PRKRIP1: variants seen among roughly 807,000 people sequenced by gnomAD.
The protein encoded by PRKRIP1 is PRKR-interacting protein 1.
PRKRIP1 carries 29 observed loss-of-function variants against 29.3 expected under a neutral mutation model. The observed-to-expected ratio is 0.99, with a 90% confidence interval of 0.74 to 1.35. The LOEUF is 1.35. PRKRIP1 is among the 40% of genes most tolerant of loss of function. The pLI is 0.00. For synonymous variants in PRKRIP1, 90 were observed against 85.1 expected (o/e 1.06, Z -0.32); for missense variants, 247 against 236.8 (o/e 1.04, Z -0.28).
intron 5 of PRKRIP1, among the ~76,000 whole-genome samples, chr7:102,418,943 G>T (rs1194980635): frequency 6.6e-6 from 1 of 151,884 alleles, no homozygotes; most frequent in South Asian, 2.1e-4. Flanking sequence ...CGATCCTCCG[G>T]CCTCAACCTC....
chr7:102,415,663 A>G (rs1796515684), intron 5 of PRKRIP1, among the ~76,000 whole-genome samples: 1 of 152,232 alleles, frequency 6.6e-6, no homozygotes, highest in Non-Finnish European at 1.5e-5. Flanking sequence ...TTAACTAACA[A>G]TCCTTACAGC....
chr7:102,404,516 A>C, intron 3 of PRKRIP1, 82 bp from the exon 4 acceptor site: 1 of 1,117,728 alleles, frequency 8.9e-7, no homozygotes, highest in Non-Finnish European at 1.3e-6. Context: ...TGACTTCTAG[A>C]ACTCTCCTAC....
intron 5 of PRKRIP1, among the ~76,000 whole-genome samples, chr7:102,422,164 TATTATTATTATTATG>T (rs1162827569): frequency 3.7e-4 from 52 of 140,100 alleles, no homozygotes; most frequent in African/African-American, 8.8e-4. Flanking sequence ...TTATTATTAT[TATTATTATTATTATG>T]ATTATTATTA....
rs1463099756 is a variant in PRKRIP1, at chr7:102,425,740, ACAAGGG to A, written c.*632_*637del. ...CAGGGACTTCACCAGGGGCTGGGTC[ACAAGGG>A]CACAGGGTGTGTGGAAAGCGCTGTG... On this transcript the variant is annotated 3_prime_UTR_variant, in exon 6 of 6. Transcript: ENST00000397912. 6.0e-6 allele frequency: 1 copy of A among 167,018 alleles called. No individual in the cohort carries two copies. Among genetic ancestry groups the A allele is most frequent in the East Asian group, 1.9e-4 (1 of 5,254 alleles). The allele number at this position is 167,018 out of a possible 1,614,324, so 10.3% of individuals were successfully genotyped here. A position where few individuals can be genotyped will look rare whatever the true frequency, so the allele number is the denominator to read the frequency against.
chr7:102,423,120 C>CT (rs782193171), intron 5 of PRKRIP1: 18,390 of 346,654 alleles, frequency 0.053, 4 homozygotes, highest in South Asian at 0.081. Flanking sequence ...ACCCTATGCT[C>CT]TTTTTTTTTT....
intron 5 of PRKRIP1, among the ~76,000 whole-genome samples, chr7:102,415,484 C>T (rs1554572973): frequency 1.3e-5 from 2 of 152,226 alleles, no homozygotes; most frequent in African/African-American, 2.4e-5. Flanking sequence ...GATTCACCCG[C>T]GTTGGCCTCC....
At chr7:102,416,358 T>A (rs887604945) in intron 5 of PRKRIP1, among the ~76,000 whole-genome samples, 32 of 152,244 alleles carry the variant, frequency 2.1e-4, no homozygotes, top group Non-Finnish European at 7.3e-5. Context: ...CCCACATCGA[T>A]ACACTTGTTA....
At chr7:102,415,236 C>G (rs868977376) in intron 5 of PRKRIP1, among the ~76,000 whole-genome samples, 30 of 152,302 alleles carry the variant, frequency 2.0e-4, no homozygotes, top group Middle Eastern at 3.4e-3. Flanking sequence ...TGTGTACAGC[C>G]TCCAAAGCTC....
intron 5 of PRKRIP1, among the ~76,000 whole-genome samples, chr7:102,408,593 A>G (rs1038882377): frequency 2.6e-5 from 4 of 152,214 alleles, no homozygotes; most frequent in Admixed American, 6.5e-5. Flanking sequence ...CTAAGAGACC[A>G]AAAAATGACA....
intron 5 of PRKRIP1, among the ~76,000 whole-genome samples, chr7:102,415,415 T>C (rs782435708): frequency 3.1e-4 from 47 of 152,174 alleles, no homozygotes; most frequent in Non-Finnish European, 5.7e-4. Flanking sequence ...TTTGTATTTT[T>C]AGTAGAGATG....
intron 5 of PRKRIP1, among the ~76,000 whole-genome samples, chr7:102,423,623 T>C (rs1037391659): frequency 1.3e-5 from 2 of 152,120 alleles, no homozygotes; most frequent in African/African-American, 2.4e-5. Flanking sequence ...GGGTACTCTA[T>C]GTACAGACTT....
chr7:102,401,691 C>CCAT (rs1182276185), intron 3 of PRKRIP1, among the ~76,000 whole-genome samples: 2 of 152,134 alleles, frequency 1.3e-5, no homozygotes, highest in Non-Finnish European at 1.5e-5. Flanking sequence ...TGAGATTGCG[C>CCAT]CATTACACTC....
intron 5 of PRKRIP1, among the ~76,000 whole-genome samples, chr7:102,411,102 A>AT (rs1393306005): frequency 4.6e-5 from 7 of 151,338 alleles, no homozygotes; most frequent in Non-Finnish European, 1.0e-4. Context: ...CTAATGTGTT[A>AT]TTTTTTTGTA....
intron 5 of PRKRIP1, among the ~76,000 whole-genome samples, chr7:102,416,679 GGGT>G (rs1554573152): frequency 2.1e-5 from 1 of 46,708 alleles, no homozygotes; most frequent in African/African-American, 8.1e-5. Context: ...AGGTTTTGTG[GGGT>G]GTTTTTTTTT....
intron 4 of PRKRIP1, 132 bp downstream of exon 4, chr7:102,404,815 T>C (rs1554571649): frequency 3.3e-6 from 2 of 613,448 alleles, no homozygotes; most frequent in Non-Finnish European, 5.7e-6. Context: ...TGACTTCTAC[T>C]ACCTGAGCAG....
chr7:102,423,298 A>G, intron 5 of PRKRIP1: 3 of 401,378 alleles, frequency 7.5e-6, no homozygotes, highest in South Asian at 3.5e-5. Context: ...TATTTCTAGT[A>G]GAGATGAGGT....
chr7:102,411,117 T>TG (rs1796370839), intron 5 of PRKRIP1, among the ~76,000 whole-genome samples: 1 of 152,018 alleles, frequency 6.6e-6, no homozygotes. Flanking sequence ...TTTGTAGAGA[T>TG]GGGGTCTCAC....
chr7:102,417,619 C>A (rs918932292), intron 5 of PRKRIP1, among the ~76,000 whole-genome samples: 5 of 145,272 alleles, frequency 3.4e-5, no homozygotes, highest in Admixed American at 2.7e-4. Context: ...ATTGTGGGTA[C>A]CTTTTTTTTT....
intron 5 of PRKRIP1, 126 bp downstream of exon 5, chr7:102,407,624 T>TAA: frequency 1.4e-6 from 1 of 700,574 alleles, no homozygotes; most frequent in Non-Finnish European, 2.5e-6. Flanking sequence ...AAATAACAGC[T>TAA]TATTCATATT....
Sources: gnomAD v4.1 joint callset for allele counts (sites outside exome capture counted in the v4.1 genomes callset) on GRCh38, gnomAD v4.1.1 for gene constraint, MANE v1.5 for transcripts, NCBI Gene and HGNC (gene_info 2026-07-23, HGNC 2026-07-21) for gene names.